PDXDC1: variants seen among roughly 807,000 people sequenced by gnomAD.
PDXDC1 encodes pyridoxal-dependent decarboxylase domain-containing protein 1.
Under a neutral mutation model 100.1 loss-of-function variants are expected in PDXDC1, and 42 were observed. The observed-to-expected ratio is 0.42, with a 90% CI of 0.33 to 0.54. PDXDC1 has a LOEUF of 0.54. Ranked by LOEUF, PDXDC1 falls within the 20% of genes least tolerant of loss-of-function variation. The probability of loss-of-function intolerance (pLI) is 0.10; values close to 1 mark genes in which losing one functional copy is unlikely to be tolerated. For synonymous variants in PDXDC1, 260 were observed against 371.7 expected (o/e 0.70, Z 3.46); for missense variants, 636 against 979.2 (o/e 0.65, Z 4.68).
chr16:15,146,187 CCAGCAGG>C, the PDXDC1 span, among the ~76,000 whole-genome samples: 2 of 152,160 alleles, frequency 1.3e-5, no homozygotes, highest in Non-Finnish European at 2.9e-5. Context: ...AGAGATGGCT[CCAGCAGG>C]AGGCCCTCAC....
chr16:14,989,097 C>A, intron 1 of PDXDC1: 1 of 1,613,796 alleles, frequency 6.2e-7, no homozygotes, highest in Non-Finnish European at 8.5e-7. Flanking sequence ...GCCAGACGGC[C>A]TGTGGGTGTC....
chr16:15,054,957 G>C (rs924563778), intron 16 of PDXDC1, among the ~76,000 whole-genome samples: 5 of 152,096 alleles, frequency 3.3e-5, no homozygotes, highest in African/African-American at 1.2e-4. Flanking sequence ...GAGTGAAAGG[G>C]GACGCTTTTT....
intron 8 of PDXDC1, among the ~76,000 whole-genome samples, chr16:15,014,312 C>G (rs1455325125): frequency 6.6e-6 from 1 of 152,268 alleles, no homozygotes; most frequent in African/African-American, 2.4e-5. Flanking sequence ...CACAAATTCA[C>G]CCATATTCAA....
downstream of PDXDC1, among the ~76,000 whole-genome samples, chr16:15,139,518 AGGAAACT>A (rs1246447178): frequency 7.2e-6 from 1 of 138,242 alleles, no homozygotes; most frequent in African/African-American, 2.8e-5. Context: ...AAAGAAGAAA[AGGAAACT>A]GGCTGTGGTG....
At chr16:15,029,047 C>G (rs562486969) in intron 15 of PDXDC1, 81 bp downstream of exon 15, 2 of 1,480,678 alleles carry the variant, frequency 1.4e-6, no homozygotes, top group Non-Finnish European at 9.2e-7. Flanking sequence ...GACGCGTGCT[C>G]GTGTATGGGA....
intron 21 of PDXDC1, 77 bp from the exon 22 acceptor site, chr16:15,035,372 G>C (rs980455258): frequency 4.2e-6 from 3 of 711,226 alleles, no homozygotes; most frequent in Non-Finnish European, 4.6e-6. Context: ...TGGGGAGCAA[G>C]GCTGTGTGAG....
At chr16:15,044,835 A>G (rs1483815048) in intron 16 of PDXDC1, 1 of 159,894 alleles carries the variant, frequency 6.3e-6, no homozygotes, top group African/African-American at 2.4e-5. Context: ...AAATACAAAA[A>G]TTAGGCCGGG....
chr16:15,040,116 A>G (rs775422087), downstream of PDXDC1: 1 of 1,007,034 alleles, frequency 9.9e-7, no homozygotes, highest in Admixed American at 1.8e-5. Flanking sequence ...CCAAAGCGGA[A>G]AGTCTGCACA....
In PDXDC1 at chr16:15,075,299, C is replaced by T. The variant is rs541639809; in HGVS notation, c.1399+45243C>T. ...CTAAAACAAAGAAATGGACCACGCACAGTGGCTCACGCCTATAATTACCAA... is the reference window on the plus strand; with the variant it reads ...CTAAAACAAAGAAATGGACCACGCATAGTGGCTCACGCCTATAATTACCAA... On this transcript the variant is annotated intron_variant, in intron 16 of 16. Coordinates refer to the PDXDC1 transcript ENST00000535621. 6.7e-5 allele frequency among the ~76,000 whole-genome samples: 10 copies of T among 150,238 alleles called. No homozygotes were observed. In the East Asian group the frequency reaches 2.0e-3, roughly 30 times the overall value.
At chr16:15,008,625 T>G in intron 6 of PDXDC1, among the ~76,000 whole-genome samples, 154 bp from the exon 7 acceptor site, 1 of 152,148 alleles carries the variant, frequency 6.6e-6, no homozygotes, top group East Asian at 1.9e-4. Flanking sequence ...GCTTTCTAAA[T>G]GTACTTTAAC....
chr16:15,133,259 C>T (rs2048194933), intron 16 of PDXDC1: 18 of 1,560,950 alleles, frequency 1.2e-5, no homozygotes, highest in Non-Finnish European at 1.3e-5. Context: ...CCAGGCTGCA[C>T]TCACCTCGTT....
intron 16 of PDXDC1, chr16:15,085,606 C>G (rs756274374): frequency 1.2e-6 from 2 of 1,604,168 alleles, no homozygotes; most frequent in Non-Finnish European, 1.7e-6. Flanking sequence ...GTGAAAGCTA[C>G]TGTGCCCAGG....
chr16:15,132,481 C>T (rs1227630912), intron 16 of PDXDC1, among the ~76,000 whole-genome samples: 1 of 148,922 alleles, frequency 6.7e-6, no homozygotes, highest in Non-Finnish European at 1.5e-5. Flanking sequence ...CTTCTTAGTC[C>T]CTCCCCACAT....
At chr16:15,040,667 T>C (rs1235194693), downstream of PDXDC1, among the ~76,000 whole-genome samples, 1 of 152,100 alleles carries the variant, frequency 6.6e-6, no homozygotes, top group African/African-American at 2.4e-5. Context: ...AAGCAAAACC[T>C]TCCTCAGTTC....
intron 12 of PDXDC1, among the ~76,000 whole-genome samples, chr16:15,019,828 A>T (rs1370936736): frequency 6.6e-6 from 1 of 152,284 alleles, no homozygotes; most frequent in Non-Finnish European, 1.5e-5. Context: ...AAGCAAAAAA[A>T]CAGGCTGGGC....
chr16:15,145,831 T>G, the PDXDC1 span, among the ~76,000 whole-genome samples: 2 of 152,088 alleles, frequency 1.3e-5, no homozygotes, highest in Non-Finnish European at 2.9e-5. Flanking sequence ...GGCAGCAGAG[T>G]GCAGGCCAGG....
chr16:15,047,474 T>C (rs1185947989), intron 16 of PDXDC1: 4 of 1,613,448 alleles, frequency 2.5e-6, no homozygotes, highest in East Asian at 2.2e-5. Flanking sequence ...AAAAGGATTT[T>C]ATGGAGTTCA....
chr16:15,068,313 T>A lies in PDXDC1; in HGVS notation c.1399+38257T>A, dbSNP rs1567191638. 1.9e-6 allele frequency: 3 copies of A among 1,555,964 alleles called. No homozygotes were observed. In the East Asian group the frequency reaches 6.8e-5, roughly 35 times the overall value. ...AAAAAAAAAAAGATTTTTTTAAAGG[T>A]ACAAATAAGTGAAAAGTGTAAGATA... On this transcript the variant is annotated intron_variant, in intron 16 of 16. Coordinates refer to the PDXDC1 transcript ENST00000535621.
At chr16:15,031,098 G>A (rs1343151992) in intron 16 of PDXDC1, among the ~76,000 whole-genome samples, 1 of 146,412 alleles carries the variant, frequency 6.8e-6, no homozygotes, top group Non-Finnish European at 1.5e-5. Context: ...CTACAGGCGA[G>A]CACCACCACA....
Sources: allele counts gnomAD v4.1 joint callset (sites outside exome capture counted in the v4.1 genomes callset), GRCh38; gene constraint gnomAD v4.1.1; transcripts MANE v1.5; gene names NCBI Gene and HGNC (gene_info 2026-07-23, HGNC 2026-07-21).